The following ARHGEF28 variants were observed in gnomAD, a reference collection of about 807,000 sequenced individuals.
ARHGEF28 encodes the protein Rho guanine nucleotide exchange factor 28.
ARHGEF28 carries 152 observed loss-of-function variants against 206.6 expected under a neutral mutation model. The ratio of observed to expected loss-of-function variants is 0.74; its 90% CI spans 0.64 to 0.84. The LOEUF (loss-of-function observed/expected upper bound fraction) is 0.84. Ranked by LOEUF, ARHGEF28 falls within the 40% of genes least tolerant of loss-of-function variation. The pLI, the probability that ARHGEF28 is intolerant of heterozygous loss-of-function variation, is 0.00. For synonymous variants in ARHGEF28, 763 were observed against 776.4 expected (o/e 0.98, Z 0.29); for missense variants, 2,028 against 2,073.2 (o/e 0.98, Z 0.42).
chr5:73,843,302 G>A (rs564786726), intron 11 of ARHGEF28, among the ~76,000 whole-genome samples: 1 of 152,198 alleles, frequency 6.6e-6, no homozygotes, highest in South Asian at 2.1e-4. Flanking sequence ...AGGGGAAAGG[G>A]AGGAAGCCAG....
At chr5:73,626,747 A>G (rs1743037318) in intron 1 of ARHGEF28, among the ~76,000 whole-genome samples, 1 of 152,144 alleles carries the variant, frequency 6.6e-6, no homozygotes. Flanking sequence ...GGTGCTTGGC[A>G]GGGCCAGGAC....
rs751154713 is a variant in ARHGEF28 at position 73,753,043 on chromosome 5, CA to C, written c.317del (p.Gln106ArgfsTer14). 10 of 1,610,128 alleles carry C rather than the reference CA, an allele frequency of 6.2e-6. No homozygotes were observed. In the African/African-American group the frequency reaches 1.3e-4, roughly 22 times the overall value. ...CAGGCTGGCTCGTCTGCTGGTGACG[CA>C]GGCCAATCGCCTCACAGCCTGCAGC... ...ACRLARLLVT[Q>X]ANRLTACSHQ... On this transcript the variant is annotated frameshift_variant, in exon 4 of 36. Transcript: ENST00000513042. LOFTEE classifies it high-confidence loss of function.
chr5:73,744,058 T>C (rs1230614499), intron 2 of ARHGEF28, among the ~76,000 whole-genome samples: 1 of 152,146 alleles, frequency 6.6e-6, no homozygotes, highest in Non-Finnish European at 1.5e-5. Context: ...CTCCCAGGTA[T>C]TATTGTGGGA....
intron 2 of ARHGEF28, among the ~76,000 whole-genome samples, chr5:73,711,136 C>A (rs941312908): frequency 6.6e-6 from 1 of 152,052 alleles, no homozygotes; most frequent in Non-Finnish European, 1.5e-5. Flanking sequence ...ATTATTTTAA[C>A]GTATTTTATT....
chr5:73,667,588 C>T lies in ARHGEF28; in HGVS notation c.-11-17253C>T, dbSNP rs561867524. ...GAATAGACTCTGGCTTCCTTCTATCCGTATTAATCTCTTAGCAAACAGTTG... is the reference window on the plus strand; with the variant it reads ...GAATAGACTCTGGCTTCCTTCTATCTGTATTAATCTCTTAGCAAACAGTTG... On this transcript the variant is annotated intron_variant, in intron 1 of 35. Transcript: ENST00000513042. Among the ~76,000 whole-genome samples, 5 of 152,280 alleles carry T rather than the reference C, an allele frequency of 3.3e-5. 1 individual carries two copies. In the South Asian group the frequency reaches 8.3e-4, roughly 25 times the overall value.
rs151045116 is a variant in ARHGEF28, at chr5:73,733,483, A to G, written c.34-16354A>G. Among the ~76,000 whole-genome samples the G allele has an allele frequency of 2.6e-5, 4 of 152,266 alleles. No homozygotes were observed. In the East Asian group the frequency reaches 7.7e-4, roughly 29 times the overall value. On this transcript the variant is annotated intron_variant, in intron 2 of 35. Transcript: ENST00000513042. The stretch of plus-strand genomic sequence containing the variant: ...TCCAGGGCTGGCTGACTTAACCATG[A>G]TGCTCTCTGGCCTTCATTATGTGGG...
At chr5:73,864,984 A>T in intron 17 of ARHGEF28, 112 bp downstream of exon 17, 1 of 928,372 alleles carries the variant, frequency 1.1e-6, no homozygotes, top group Non-Finnish European at 1.6e-6. Context: ...AGCGATCATG[A>T]TAGCGATAAC....
chr5:73,887,665 A>G lies in ARHGEF28; in HGVS notation c.3373A>G (p.Ile1125Val), dbSNP rs940365583. The G allele has an allele frequency of 6.4e-7, 1 of 1,571,384 alleles. No homozygotes were observed. Among genetic ancestry groups the G allele is most frequent in the African/African-American group, 1.3e-5 (1 of 74,196 alleles). ...TTTACAAGAAAAAGACCAGAAATAC[A>G]TCTTTGCAGCCGTTGTAAGTATATG... ...LFLQEKDQKY[I>V]FAAVDQKPSV... The change falls in exon 26 of 36, where the codon ATC becomes GTC. Residue 1125 changes from isoleucine (I) to valine (V), a missense_variant. By Grantham distance (29) the Ile-to-Val change is conservative. Coordinates refer to ENST00000513042, the MANE Select transcript of ARHGEF28 (RefSeq NM_001177693.2).
intron 3 of ARHGEF28, among the ~76,000 whole-genome samples, chr5:73,751,632 C>A (rs1362472305): frequency 3.3e-5 from 5 of 151,982 alleles, no homozygotes; most frequent in Admixed American, 6.6e-5. Flanking sequence ...TTTTTCTTTA[C>A]TTGCATGTGG....
intron 35 of ARHGEF28, among the ~76,000 whole-genome samples, chr5:73,926,849 G>A (rs376254745): frequency 2.6e-5 from 4 of 152,312 alleles, no homozygotes; most frequent in African/African-American, 9.6e-5. Context: ...GAGGTAATAG[G>A]CTTCTTAAGG....
Position 73,863,973 on chromosome 5 carries a change from A to C in ARHGEF28, c.2048-844A>C, listed in dbSNP as rs779333470. Among the ~76,000 whole-genome samples the C allele has an allele frequency of 5.9e-5, 9 of 152,264 alleles. No homozygotes were observed. In the Middle Eastern group the frequency reaches 0.01, roughly 173 times the overall value. On this transcript the variant is annotated intron_variant, in intron 16 of 35. Coordinates refer to ENST00000513042, the MANE Select transcript of ARHGEF28 (RefSeq NM_001177693.2). ...CTTGTTGGGTCACTGGCATTTATGC[A>C]GTGTGGCTTTGATGGACCAACATGG...
chr5:73,785,837 A>T (rs1754122647), intron 7 of ARHGEF28, among the ~76,000 whole-genome samples: 1 of 152,058 alleles, frequency 6.6e-6, no homozygotes, highest in Non-Finnish European at 1.5e-5. Flanking sequence ...GAGAGGGCAA[A>T]ATCATTTCCT....
At chr5:73,772,468 T>A (rs1297640136) in intron 4 of ARHGEF28, among the ~76,000 whole-genome samples, 1 of 152,208 alleles carries the variant, frequency 6.6e-6, no homozygotes, top group Non-Finnish European at 1.5e-5. Context: ...AACCTCTGCC[T>A]CCTGGGCTCA....
intron 1 of ARHGEF28, among the ~76,000 whole-genome samples, chr5:73,633,695 GCCTCCT>G (rs1374104515): frequency 6.7e-6 from 1 of 148,642 alleles, no homozygotes; most frequent in Non-Finnish European, 1.5e-5. Context: ...TCCCGTCTCA[GCCTCCT>G]AAATAGCTGG....
At chr5:73,824,857 CTCAG>C (rs891182680) in intron 9 of ARHGEF28, among the ~76,000 whole-genome samples, 4 of 151,960 alleles carry the variant, frequency 2.6e-5, no homozygotes, top group African/African-American at 4.8e-5. Context: ...TCAGTAGACA[CTCAG>C]TAAGTGTTGA....
chr5:73,829,540 C>A (rs1468957891), intron 9 of ARHGEF28, among the ~76,000 whole-genome samples: 4 of 152,010 alleles, frequency 2.6e-5, no homozygotes, highest in African/African-American at 9.7e-5. Context: ...CCACCATGCC[C>A]GGCTAATTTT....
intron 1 of ARHGEF28, among the ~76,000 whole-genome samples, chr5:73,635,862 C>T (rs751115443): frequency 4.6e-5 from 7 of 152,166 alleles, no homozygotes; most frequent in African/African-American, 1.7e-4. Flanking sequence ...ATGCACAAAA[C>T]GCATTGCCAA....
At chr5:73,667,656 T>C (rs943937393) in intron 1 of ARHGEF28, among the ~76,000 whole-genome samples, 1 of 152,226 alleles carries the variant, frequency 6.6e-6, no homozygotes, top group African/African-American at 2.4e-5. Context: ...AGCTTTTCTC[T>C]TCTTTACATG....
intron 7 of ARHGEF28, among the ~76,000 whole-genome samples, chr5:73,793,968 A>G (rs891253657): frequency 1.3e-5 from 2 of 152,166 alleles, no homozygotes; most frequent in African/African-American, 4.8e-5. Context: ...GACCTCTTAT[A>G]TAATGAATTA....
Sources: allele counts gnomAD v4.1 joint callset (sites outside exome capture counted in the v4.1 genomes callset), GRCh38; gene constraint gnomAD v4.1.1; transcripts MANE v1.5; gene names NCBI Gene and HGNC (gene_info 2026-07-23, HGNC 2026-07-21).